The following IL15 variants were observed in gnomAD, a reference collection of about 807,000 sequenced individuals.
IL15 encodes the protein interleukin 15.
Under a neutral mutation model 19.6 loss-of-function variants are expected in IL15, and 11 were observed. That is an observed-to-expected ratio of 0.56 (90% confidence interval 0.35 to 0.93). IL15 has a LOEUF of 0.93. IL15 is among the 40% of genes least tolerant of loss of function. The probability of loss-of-function intolerance (pLI) is 0.01; values close to 1 mark genes in which losing one functional copy is unlikely to be tolerated. For synonymous variants in IL15, 58 were observed against 59.6 expected (o/e 0.97, Z 0.12); for missense variants, 197 against 186.5 (o/e 1.06, Z -0.33).
At chr4:141,696,458 G>T (rs2152179717) in intron 2 of IL15, among the ~76,000 whole-genome samples, 1 of 152,104 alleles carries the variant, frequency 6.6e-6, no homozygotes, top group African/African-American at 2.4e-5. Flanking sequence ...TTATATTTAT[G>T]TGAAAAATAT....
At chr4:141,642,623 G>A (rs1271734335) in intron 1 of IL15, among the ~76,000 whole-genome samples, 1 of 152,186 alleles carries the variant, frequency 6.6e-6, no homozygotes, top group Non-Finnish European at 1.5e-5. Context: ...CTGCAGTGCA[G>A]TCTCCTCTTC....
At chr4:141,640,469 A>G (rs1578980442) in intron 1 of IL15, among the ~76,000 whole-genome samples, 1 of 152,212 alleles carries the variant, frequency 6.6e-6, no homozygotes, top group Admixed American at 6.5e-5. Flanking sequence ...TGTACTGACA[A>G]CTAAAATGCT....
At chr4:141,683,575 A>T (rs1046521197) in intron 2 of IL15, among the ~76,000 whole-genome samples, 29 of 151,788 alleles carry the variant, frequency 1.9e-4, no homozygotes, top group Non-Finnish European at 4.0e-4. Context: ...CGTCTCTAAA[A>T]AAAAAAAAAA....
At chr4:141,709,371 T>A (rs540756222) in intron 2 of IL15, among the ~76,000 whole-genome samples, 1 of 152,294 alleles carries the variant, frequency 6.6e-6, no homozygotes, top group East Asian at 1.9e-4. Flanking sequence ...ATATACTACA[T>A]AAAAAGGTTG....
At position 141,690,145 on chromosome 4, in the gene IL15, G is replaced by A. The variant is rs368932781; in HGVS notation, c.-99-29221G>A. Reference sequence around the variant, plus strand: ...CCGGGGCCAGCACGGCCAGCCGTCTGCTCCGACTGCGTGGCCCACCAAGCC... The same window carrying A: ...CCGGGGCCAGCACGGCCAGCCGTCTACTCCGACTGCGTGGCCCACCAAGCC... On this transcript the variant is annotated intron_variant, in intron 2 of 7. Transcript: ENST00000320650. Among the ~76,000 whole-genome samples, 14 of 152,296 alleles carry A rather than the reference G, an allele frequency of 9.2e-5. No individual in the cohort carries two copies. The East Asian group carries it at 2.5e-3, about 27-fold the overall frequency.
At chr4:141,640,505 T>C (rs1727005405) in intron 1 of IL15, among the ~76,000 whole-genome samples, 2 of 152,184 alleles carry the variant, frequency 1.3e-5, no homozygotes, top group African/African-American at 4.8e-5. Flanking sequence ...AAATAGACCC[T>C]GGTCACCATT....
At chr4:141,663,877 GAGAGT>G (rs1727876255) in intron 2 of IL15, among the ~76,000 whole-genome samples, 2 of 152,294 alleles carry the variant, frequency 1.3e-5, no homozygotes, top group South Asian at 4.1e-4. Flanking sequence ...GCTGAGAGGA[GAGAGT>G]AGGAGGTCAG....
chr4:141,732,854 A>G lies in IL15; in HGVS notation c.*6A>G. On this transcript the variant is annotated 3_prime_UTR_variant, in exon 8 of 8. Coordinates refer to ENST00000320650, the MANE Select transcript of IL15 (RefSeq NM_000585.5). The stretch of plus-strand genomic sequence containing the variant: ...TGTTCATCAACACTTCTTGATTGCA[A>G]TTGATTCTTTTTAAAGTGTTTCTGT... The G allele has an allele frequency of 1.2e-6, 2 of 1,605,058 alleles. No individual in the cohort carries two copies. The highest frequency in any genetic ancestry group is 1.7e-6 in the Non-Finnish European group (2 of 1,177,544).
At chr4:141,687,217 C>A (rs1428731287) in intron 2 of IL15, among the ~76,000 whole-genome samples, 4 of 152,262 alleles carry the variant, frequency 2.6e-5, no homozygotes, top group Admixed American at 2.0e-4. Context: ...CATCTTCATC[C>A]TTGTAAGCAG....
intron 1 of IL15, among the ~76,000 whole-genome samples, chr4:141,650,384 A>T (rs901888092): frequency 1.3e-5 from 2 of 152,090 alleles, no homozygotes; most frequent in Admixed American, 6.6e-5. Context: ...TGCGCTTTAG[A>T]TATAGTCAAT....
At chr4:141,672,045 C>T (rs1389325993) in intron 2 of IL15, among the ~76,000 whole-genome samples, 2 of 152,148 alleles carry the variant, frequency 1.3e-5, no homozygotes, top group Admixed American at 1.3e-4. Flanking sequence ...GTGTGTGTTT[C>T]AATCATCATT....
At chr4:141,661,272 G>A (rs1180696986) in intron 2 of IL15, among the ~76,000 whole-genome samples, 5 of 152,208 alleles carry the variant, frequency 3.3e-5, no homozygotes, top group Non-Finnish European at 7.3e-5. Context: ...CATCAGGTAA[G>A]TATTCTAAGA....
intron 2 of IL15, chr4:141,689,114 G>A (rs1728810051): frequency 6.4e-6 from 1 of 155,714 alleles, no homozygotes; most frequent in Admixed American, 6.5e-5. Flanking sequence ...ACTGGCTTCA[G>A]GAGTGAAGCT....
chr4:141,685,677 A>T (rs1056532972), intron 2 of IL15, among the ~76,000 whole-genome samples: 7 of 152,238 alleles, frequency 4.6e-5, no homozygotes, highest in African/African-American at 1.4e-4. Flanking sequence ...CTGAAATTAA[A>T]CTTCAGAAAT....
chr4:141,651,068 G>A (rs905164221), intron 1 of IL15, among the ~76,000 whole-genome samples: 1 of 151,832 alleles, frequency 6.6e-6, no homozygotes, highest in African/African-American at 2.4e-5. Context: ...AGTCTGTATG[G>A]AGTATAATAA....
intron 2 of IL15, among the ~76,000 whole-genome samples, chr4:141,695,656 T>A (rs1729067749): frequency 6.6e-6 from 1 of 152,176 alleles, no homozygotes; most frequent in Non-Finnish European, 1.5e-5. Context: ...ACCTCTATAC[T>A]GTTTTCTCTA....
At chr4:141,682,273 CCTT>C (rs1374572653) in intron 2 of IL15, among the ~76,000 whole-genome samples, 1 of 152,072 alleles carries the variant, frequency 6.6e-6, no homozygotes, top group Non-Finnish European at 1.5e-5. Flanking sequence ...ATCTACCTCT[CCTT>C]AAATTAAAAT....
At chr4:141,673,365 T>A (rs1295131932) in intron 2 of IL15, among the ~76,000 whole-genome samples, 2 of 152,214 alleles carry the variant, frequency 1.3e-5, no homozygotes, top group African/African-American at 4.8e-5. Context: ...GTTCTTTATA[T>A]GATCAAGGAT....
chr4:141,638,933 G>T (rs1453211221), intron 1 of IL15, among the ~76,000 whole-genome samples: 2 of 152,108 alleles, frequency 1.3e-5, no homozygotes, highest in Non-Finnish European at 2.9e-5. Flanking sequence ...GGAGTTTAAT[G>T]TTGAGTTCTG....
Sources: gnomAD v4.1 joint callset for allele counts (sites outside exome capture counted in the v4.1 genomes callset) on GRCh38, gnomAD v4.1.1 for gene constraint, MANE v1.5 for transcripts, NCBI Gene and HGNC (gene_info 2026-07-23, HGNC 2026-07-21) for gene names.